Variants in AFG1L observed in about 807,000 individuals in gnomAD.
AFG1L encodes the protein AFG1 like ATPase, also known as AFG1-like ATPase.
AFG1L carries 53 observed loss-of-function variants against 62.2 expected under a neutral mutation model. The ratio of observed to expected loss-of-function variants is 0.85; its 90% CI spans 0.68 to 1.07. The LOEUF (loss-of-function observed/expected upper bound fraction) is 1.07. Among genes scored for constraint, AFG1L ranks in the 50% least tolerant of loss-of-function variants. AFG1L has a pLI of 0.00. For synonymous variants in AFG1L, 228 were observed against 210.3 expected, an observed-to-expected ratio of 1.08 and a Z score of -0.73; for missense variants, 555 against 590.5, an observed-to-expected ratio of 0.94 and a Z score of 0.62.
chr6:108,314,984 A>G (rs971200215), intron 1 of AFG1L, among the ~76,000 whole-genome samples: 1 of 152,078 alleles, frequency 6.6e-6, no homozygotes, highest in Non-Finnish European at 1.5e-5. Context: ...GGTTACAGGC[A>G]TGCACTAGCA....
At chr6:108,439,515 T>A (rs1417754734) in intron 7 of AFG1L, among the ~76,000 whole-genome samples, 1 of 152,130 alleles carries the variant, frequency 6.6e-6, no homozygotes, top group Non-Finnish European at 1.5e-5. Flanking sequence ...CACAAAAGAA[T>A]ACATACTGTA....
chr6:108,360,974 C>G (rs2114479077), intron 5 of AFG1L, among the ~76,000 whole-genome samples: 1 of 152,358 alleles, frequency 6.6e-6, no homozygotes, highest in South Asian at 2.1e-4. Flanking sequence ...TGAGAGCCCC[C>G]AGCTAAATTG....
At chr6:108,354,376 C>G (rs1779188911) in intron 3 of AFG1L, among the ~76,000 whole-genome samples, 1 of 151,916 alleles carries the variant, frequency 6.6e-6, no homozygotes, top group African/African-American at 2.4e-5. Flanking sequence ...GTGGCACGAT[C>G]TCACTGCAAC....
intron 10 of AFG1L, among the ~76,000 whole-genome samples, chr6:108,487,334 T>G (rs2114842107): frequency 6.6e-6 from 1 of 152,232 alleles, no homozygotes; most frequent in East Asian, 1.9e-4. Flanking sequence ...CTGAGGATAG[T>G]CAAGGCACTC....
chr6:108,312,847 C>A (rs1034590707), intron 1 of AFG1L, among the ~76,000 whole-genome samples: 1 of 151,932 alleles, frequency 6.6e-6, no homozygotes, highest in Non-Finnish European at 1.5e-5. Context: ...TCATAGTTCA[C>A]TGTGGCCTTG....
intron 4 of AFG1L, among the ~76,000 whole-genome samples, chr6:108,356,239 G>A (rs1239510006): frequency 1.3e-5 from 2 of 152,152 alleles, no homozygotes; most frequent in Non-Finnish European, 2.9e-5. Context: ...AATACTTGTA[G>A]CATTTAGTAC....
chr6:108,301,946 A>ATT (rs765549539), intron 1 of AFG1L, among the ~76,000 whole-genome samples: 14 of 141,446 alleles, frequency 9.9e-5, no homozygotes, highest in African/African-American at 2.8e-4. Context: ...ATGAGACTAG[A>ATT]TTTTTTTTTT....
chr6:108,440,904 G>A (rs1771520146), intron 7 of AFG1L, among the ~76,000 whole-genome samples: 1 of 152,000 alleles, frequency 6.6e-6, no homozygotes, highest in Admixed American at 6.6e-5. Context: ...AAATAAATTA[G>A]TTGACTGTTA....
At chr6:108,375,077 G>A (rs1041262677) in intron 6 of AFG1L, among the ~76,000 whole-genome samples, 2 of 151,888 alleles carry the variant, frequency 1.3e-5, no homozygotes, top group Non-Finnish European at 2.9e-5. Flanking sequence ...GGCATTTTTT[G>A]TGTGTATGGC....
intron 1 of AFG1L, among the ~76,000 whole-genome samples, chr6:108,318,963 T>C (rs1777709471): frequency 6.6e-6 from 1 of 152,252 alleles, no homozygotes; most frequent in African/African-American, 2.4e-5. Context: ...TATCCAGGGC[T>C]AAGCTGGCCA....
At chr6:108,335,246 C>G (rs572179379) in intron 2 of AFG1L, among the ~76,000 whole-genome samples, 1 of 150,130 alleles carries the variant, frequency 6.7e-6, no homozygotes, top group South Asian at 2.1e-4. Context: ...GTTGGGATTA[C>G]AGGTGTGAGC....
At chr6:108,426,721 A>G (rs771384655) in intron 7 of AFG1L, among the ~76,000 whole-genome samples, 5 of 152,074 alleles carry the variant, frequency 3.3e-5, no homozygotes, top group Non-Finnish European at 7.4e-5. Flanking sequence ...CCTTTTGTAA[A>G]TTTTCATAAG....
At chr6:108,514,138 G>A (rs1774777803) in intron 11 of AFG1L, among the ~76,000 whole-genome samples, 1 of 152,122 alleles carries the variant, frequency 6.6e-6, no homozygotes, top group African/African-American at 2.4e-5. Context: ...AAGACCAAAG[G>A]CAGATAAAAC....
chr6:108,326,935 G>A (rs1309991148), intron 2 of AFG1L, among the ~76,000 whole-genome samples: 2 of 151,678 alleles, frequency 1.3e-5, no homozygotes, highest in East Asian at 3.9e-4. Flanking sequence ...GGGTGACAGT[G>A]AGACTCCGTC....
At chr6:108,386,173 A>G (rs565747838) in intron 6 of AFG1L, among the ~76,000 whole-genome samples, 8 of 152,234 alleles carry the variant, frequency 5.3e-5, no homozygotes, top group Middle Eastern at 6.8e-3. Context: ...AAAAAGAAAA[A>G]TGCCTCTCCT....
Position 108,402,867 on chromosome 6 carries a change from A to C in AFG1L, c.807+813A>C, listed in dbSNP as rs537725368. Among the ~76,000 whole-genome samples, 3 of 152,302 alleles carry C rather than the reference A, an allele frequency of 2.0e-5. No individual in the cohort carries two copies. In the East Asian group the frequency reaches 5.8e-4, roughly 29 times the overall value. Reference sequence around the variant, plus strand: ...ATATATTTAAATGTGATTGCCATCAAGTTATGAAATTATGTCAAGTTGAGG... The same window carrying C: ...ATATATTTAAATGTGATTGCCATCACGTTATGAAATTATGTCAAGTTGAGG... On this transcript the variant is annotated intron_variant, in intron 7 of 12. Coordinates refer to ENST00000368977, the MANE Select transcript of AFG1L (RefSeq NM_145315.5).
intron 7 of AFG1L, among the ~76,000 whole-genome samples, chr6:108,431,653 T>A (rs1771083081): frequency 7.0e-6 from 1 of 143,168 alleles, no homozygotes; most frequent in Admixed American, 7.6e-5. Flanking sequence ...CAGGCTGGAG[T>A]GCAATAGCAC....
intron 1 of AFG1L, among the ~76,000 whole-genome samples, chr6:108,322,173 G>A (rs185657335): frequency 6.6e-6 from 1 of 152,278 alleles, no homozygotes; most frequent in Admixed American, 6.5e-5. Flanking sequence ...CTCCCAAAGT[G>A]CTAGGATTAC....
chr6:108,446,704 A>C (rs904134676), intron 7 of AFG1L, among the ~76,000 whole-genome samples: 2 of 151,836 alleles, frequency 1.3e-5, no homozygotes, highest in Non-Finnish European at 2.9e-5. Context: ...GGGTTTTGCT[A>C]TGTTGCTCAG....
Sources: gnomAD v4.1 joint callset for allele counts (sites outside exome capture counted in the v4.1 genomes callset) on GRCh38, gnomAD v4.1.1 for gene constraint, MANE v1.5 for transcripts, NCBI Gene and HGNC (gene_info 2026-07-23, HGNC 2026-07-21) for gene names.